DNER: variants seen among roughly 807,000 people sequenced by gnomAD.
DNER encodes the protein delta/notch like EGF repeat containing.
A neutral mutation model predicts 78.2 loss-of-function variants in DNER; 33 were observed. The observed-to-expected ratio is 0.42, with a 90% CI of 0.32 to 0.56. The LOEUF is 0.56. Among genes scored for constraint, DNER ranks in the 20% least tolerant of loss-of-function variants. The pLI is 0.11. For synonymous variants in DNER, 417 were observed against 384.8 expected, an observed-to-expected ratio of 1.08 and a Z score of -0.98; for missense variants, 918 against 975.3, an observed-to-expected ratio of 0.94 and a Z score of 0.78.
At chr2:229,654,813 C>A (rs1158309472) in intron 1 of DNER, among the ~76,000 whole-genome samples, 2 of 152,158 alleles carry the variant, frequency 1.3e-5, no homozygotes, top group Non-Finnish European at 2.9e-5. Context: ...AGCCCATACA[C>A]TTTTATTGAG....
At chr2:229,625,459 T>C (rs1698321626) in intron 1 of DNER, among the ~76,000 whole-genome samples, 1 of 152,200 alleles carries the variant, frequency 6.6e-6, no homozygotes, top group South Asian at 2.1e-4. Context: ...AAAGCTGTCA[T>C]GGCCAGAATG....
intron 1 of DNER, among the ~76,000 whole-genome samples, chr2:229,609,297 G>A (rs1295976938): frequency 2.0e-5 from 3 of 152,248 alleles, no homozygotes; most frequent in South Asian, 2.1e-4. Flanking sequence ...TGTAGCCCAG[G>A]GGCTGGCAAA....
At chr2:229,436,242 C>T (rs907635314) in intron 8 of DNER, among the ~76,000 whole-genome samples, 5 of 152,116 alleles carry the variant, frequency 3.3e-5, no homozygotes, top group Non-Finnish European at 7.3e-5. Context: ...AGGATAATAG[C>T]CTGTGGATCC....
At chr2:229,540,410 T>C (rs572883977) in intron 5 of DNER, among the ~76,000 whole-genome samples, 2 of 152,020 alleles carry the variant, frequency 1.3e-5, no homozygotes, top group Non-Finnish European at 2.9e-5. Flanking sequence ...AACCTGGAAA[T>C]AGACAAGCCC....
chr2:229,490,250 A>C (rs1358950061), intron 6 of DNER, among the ~76,000 whole-genome samples: 1 of 152,196 alleles, frequency 6.6e-6, no homozygotes, highest in African/African-American at 2.4e-5. Context: ...CCTGGAGGAA[A>C]ATTGAAGAGG....
At chr2:229,675,321 T>C (rs912365464) in intron 1 of DNER, among the ~76,000 whole-genome samples, 4 of 152,194 alleles carry the variant, frequency 2.6e-5, no homozygotes, top group African/African-American at 9.6e-5. Flanking sequence ...CTCCATCTCA[T>C]GCCTCCTTCT....
At chr2:229,499,013 A>T (rs1223383184) in intron 6 of DNER, among the ~76,000 whole-genome samples, 1 of 152,222 alleles carries the variant, frequency 6.6e-6, no homozygotes, top group South Asian at 2.1e-4. Flanking sequence ...TTCAAAATAT[A>T]CTACAAAACT....
In DNER at chr2:229,563,713, C is replaced by A. The variant is rs538831573; in HGVS notation, c.848-16621G>T. ...TCACCGTCATCATCATCCTCCTCAC[C>A]CCATCACCATCATCATCATCACCCC... On this transcript the variant is annotated intron_variant, in intron 4 of 12. Coordinates refer to ENST00000341772, the MANE Select transcript of DNER (RefSeq NM_139072.4). Among the ~76,000 whole-genome samples the A allele has an allele frequency of 7.4e-4, 103 of 139,958 alleles. 1 individual carries two copies. The highest frequency in any genetic ancestry group is 2.1e-3 in the African/African-American group (80 of 37,642). 91.8% of individuals were successfully genotyped at this position (139,958 alleles called of 152,430 possible).
At chr2:229,501,303 C>T (rs1355848742) in intron 6 of DNER, among the ~76,000 whole-genome samples, 1 of 150,658 alleles carries the variant, frequency 6.6e-6, no homozygotes, top group Non-Finnish European at 1.5e-5. Flanking sequence ...TAAGTGTTCT[C>T]ACCACAAAGA....
intron 4 of DNER, among the ~76,000 whole-genome samples, chr2:229,573,341 A>G (rs2396691): frequency 0.85 from 128,592 of 151,682 alleles, 55,204 homozygotes; most frequent in Non-Finnish European, 0.92. Context: ...GCAAGACAGC[A>G]TTTTCAAAAT....
intron 1 of DNER, among the ~76,000 whole-genome samples, chr2:229,692,283 T>C (rs779829345): frequency 2.0e-5 from 3 of 152,242 alleles, no homozygotes; most frequent in Non-Finnish European, 2.9e-5. Flanking sequence ...CAAAATTAGA[T>C]ATCACTTGAT....
At chr2:229,509,118 G>A (rs903597879) in intron 6 of DNER, among the ~76,000 whole-genome samples, 3 of 152,092 alleles carry the variant, frequency 2.0e-5, no homozygotes, top group Non-Finnish European at 2.9e-5. Context: ...GAACAAGATC[G>A]GAGAGTGCCA....
chr2:229,578,082 C>A (rs1310855413), intron 4 of DNER, among the ~76,000 whole-genome samples: 19 of 152,216 alleles, frequency 1.2e-4, no homozygotes, highest in Admixed American at 1.2e-3. Flanking sequence ...CGCAGACCCT[C>A]AGCTCTTCAC....
chr2:229,635,611 T>G (rs1186950578), intron 1 of DNER, among the ~76,000 whole-genome samples: 1 of 152,160 alleles, frequency 6.6e-6, no homozygotes, highest in Non-Finnish European at 1.5e-5. Flanking sequence ...GGAATGGTTT[T>G]GTATTTTTTG....
chr2:229,569,570 T>C (rs534912385), intron 4 of DNER, among the ~76,000 whole-genome samples: 1 of 151,996 alleles, frequency 6.6e-6, no homozygotes, highest in Non-Finnish European at 1.5e-5. Context: ...TAAGATGGAG[T>C]AGTATTTGGA....
chr2:229,628,580 C>G (rs1192987440), intron 1 of DNER, among the ~76,000 whole-genome samples: 1 of 152,152 alleles, frequency 6.6e-6, no homozygotes, highest in East Asian at 1.9e-4. Flanking sequence ...ATAACCAGAG[C>G]TGCTCTGACG....
At chr2:229,694,281 A>T (rs1445062404) in intron 1 of DNER, among the ~76,000 whole-genome samples, 1 of 152,230 alleles carries the variant, frequency 6.6e-6, no homozygotes, top group Admixed American at 6.5e-5. Context: ...GCCCCCATGG[A>T]GAACCTCTGC....
intron 7 of DNER, among the ~76,000 whole-genome samples, chr2:229,476,681 T>A (rs146595898): frequency 1.3e-3 from 205 of 152,280 alleles, no homozygotes; most frequent in African/African-American, 4.7e-3. Flanking sequence ...GGTAAAACTA[T>A]GCCAGCAGTA....
intron 5 of DNER, among the ~76,000 whole-genome samples, chr2:229,533,429 G>T (rs545239449): frequency 5.9e-4 from 90 of 152,242 alleles, no homozygotes; most frequent in Non-Finnish European, 5.9e-4. Context: ...GCTTTGAAGC[G>T]GTAGACTGGG....
Sources: gnomAD v4.1 joint callset for allele counts (sites outside exome capture counted in the v4.1 genomes callset) on GRCh38, gnomAD v4.1.1 for gene constraint, MANE v1.5 for transcripts, NCBI Gene and HGNC (gene_info 2026-07-23, HGNC 2026-07-21) for gene names.